Variants in TARBP1 observed in about 807,000 individuals in gnomAD.
TARBP1 encodes the protein tRNA guanosine 2 -O-methyltransferase TARBP1, also known as tRNA (guanosine(18)-2'-O)-methyltransferase TARBP1.
In TARBP1, 144 loss-of-function variants were observed where a neutral mutation model predicts 178.6. That is an observed-to-expected ratio of 0.81 (90% CI 0.70 to 0.93). TARBP1 has a LOEUF of 0.93. TARBP1 is among the 40% of genes least tolerant of loss of function. The pLI, the probability that TARBP1 is intolerant of heterozygous loss-of-function variation, is 0.00. For missense variants in TARBP1, 2,067 were observed against 2,011.7 expected, an observed-to-expected ratio of 1.03 and a Z score of -0.53; for synonymous variants, 787 against 781.0, an observed-to-expected ratio of 1.01 and a Z score of -0.13.
At chr1:234,431,584 T>TA (rs2103135131) in intron 14 of TARBP1, among the ~76,000 whole-genome samples, 1 of 152,376 alleles carries the variant, frequency 6.6e-6, no homozygotes, top group Non-Finnish European at 1.5e-5. Flanking sequence ...ATTAAACACT[T>TA]ACCACATGTT....
intron 26 of TARBP1, among the ~76,000 whole-genome samples, chr1:234,394,932 A>G (rs1206417839): frequency 2.0e-5 from 3 of 151,894 alleles, no homozygotes; most frequent in Non-Finnish European, 2.9e-5. Flanking sequence ...TCTACTAAAA[A>G]TAACACATTA....
chr1:234,400,054 A>AAATAAAAAC lies in TARBP1; in HGVS notation c.4071+1126_4071+1127insGTTTTTATT, dbSNP rs1238655040. Among the ~76,000 whole-genome samples the AAATAAAAAC allele has an allele frequency of 3.5e-3, 492 of 140,696 alleles. 5 individuals are homozygous for AAATAAAAAC. The highest frequency in any genetic ancestry group is 6.1e-3 in the African/African-American group (218 of 35,464). The allele number at this position is 140,696 out of a possible 152,430, so 92.3% of individuals were successfully genotyped here. On this transcript the variant is annotated intron_variant, in intron 25 of 29. Transcript: ENST00000040877. ...AGTATAATAATAATAAAATAAAAAC[A>AAATAAAAAC]AAAAAAAAACAAATACATGAAGAGA...
At chr1:234,418,873 AT>A (rs1263911208) in intron 21 of TARBP1, among the ~76,000 whole-genome samples, 1 of 152,224 alleles carries the variant, frequency 6.6e-6, no homozygotes, top group Admixed American at 6.5e-5. Context: ...ATATAAGCAT[AT>A]AAAAGTAATA....
At chr1:234,421,130 C>G (rs1371185767) in intron 20 of TARBP1, among the ~76,000 whole-genome samples, 3 of 152,018 alleles carry the variant, frequency 2.0e-5, no homozygotes, top group African/African-American at 7.3e-5. Flanking sequence ...ACTCTGTTGC[C>G]CAGGCTGGAG....
intron 2 of TARBP1, 42 bp from the exon 3 acceptor site, chr1:234,471,299 T>C (rs1439614123): frequency 7.6e-6 from 10 of 1,322,610 alleles, no homozygotes; most frequent in Non-Finnish European, 1.1e-5. Context: ...TGAAAATGCA[T>C]CTTGAAAAAT....
chr1:234,458,020 A>G (rs568788822), intron 8 of TARBP1, among the ~76,000 whole-genome samples: 1 of 150,508 alleles, frequency 6.6e-6, no homozygotes, highest in South Asian at 2.1e-4. Context: ...AAAAAAAAAA[A>G]CACCATTCTA....
At chr1:234,415,100 A>T (rs2103078541) in intron 22 of TARBP1, among the ~76,000 whole-genome samples, 1 of 152,328 alleles carries the variant, frequency 6.6e-6, no homozygotes, top group African/African-American at 2.4e-5. Flanking sequence ...TAGGAGAGGG[A>T]CGAGAAAACA....
chr1:234,472,665 G>T (rs375792816), intron 2 of TARBP1, 49 bp downstream of exon 2: 83 of 1,315,196 alleles, frequency 6.3e-5, no homozygotes, highest in Non-Finnish European at 8.3e-5. Context: ...TTTTAAAAAA[G>T]AAAAATTGTT....
At position 234,391,729 on chromosome 1, in the gene TARBP1, T is replaced by C. The variant is rs777904084; in HGVS notation, c.4714A>G (p.Ile1572Val). 12 of 1,612,922 alleles carry C rather than the reference T, an allele frequency of 7.4e-6. No individual in the cohort carries two copies. In the East Asian group the frequency reaches 8.9e-5, roughly 12 times the overall value. Reference protein sequence around the residue: ...LLLLGNEREGIPANLIQQLDV... With the variant: ...LLLLGNEREGVPANLIQQLDV... ...AACTGTTGGATCAGATTTGCTGGAA[T>C]TCCCTCACGTTCATTTCTGAGGAAG... Residue 1572 changes from isoleucine to valine, a missense_variant, in exon 30 of 30, where the codon ATT (isoleucine) becomes GTT (valine). Ile to Val is a conservative substitution (Grantham distance 29, BLOSUM62 3). Coordinates refer to ENST00000040877, the MANE Select transcript of TARBP1 (RefSeq NM_005646.4).
intron 23 of TARBP1, chr1:234,406,314 T>C (rs1661235986): frequency 3.6e-6 from 2 of 555,576 alleles, no homozygotes; most frequent in East Asian, 2.9e-5. Flanking sequence ...CTCCCAGCTC[T>C]AGTTTTCATT....
At chr1:234,406,136 C>T (rs1480541362) in intron 23 of TARBP1, 37 bp from the exon 24 acceptor site, 2 of 1,592,244 alleles carry the variant, frequency 1.3e-6, no homozygotes, top group Non-Finnish European at 1.7e-6. Context: ...AAAACACAGA[C>T]ATGGACCATT....
chr1:234,453,368 T>A (rs2103234148), intron 9 of TARBP1, among the ~76,000 whole-genome samples: 1 of 150,046 alleles, frequency 6.7e-6, no homozygotes, highest in South Asian at 2.1e-4. Flanking sequence ...ATTTTTAAAA[T>A]ATACTGAGAC....
chr1:234,459,336 A>C lies in TARBP1; in HGVS notation c.1536-10T>G. On this transcript the variant is annotated splice_polypyrimidine_tract_variant and intron_variant, in intron 7 of 29. Transcript: ENST00000040877. ...GCAATGAATAACATCCCTGACATCG[A>C]AACACAAAAAATGCAGTTCCGTATT... 6.3e-7 allele frequency: 1 copy of C among 1,591,104 alleles called. No homozygotes were observed. The highest frequency in any genetic ancestry group is 8.5e-7 in the Non-Finnish European group (1 of 1,170,460).
intron 5 of TARBP1, among the ~76,000 whole-genome samples, chr1:234,465,043 GTTC>G (rs1254905599): frequency 6.6e-6 from 1 of 151,444 alleles, no homozygotes. Context: ...TGAATTCACG[GTTC>G]TTAATATGGA....
At chr1:234,463,408 G>A (rs1378890950) in intron 6 of TARBP1, among the ~76,000 whole-genome samples, 4 of 152,204 alleles carry the variant, frequency 2.6e-5, no homozygotes, top group Non-Finnish European at 5.9e-5. Flanking sequence ...CCAGGCGGGA[G>A]CCATTGCACC....
intron 10 of TARBP1, among the ~76,000 whole-genome samples, chr1:234,449,099 A>G (rs1026020676): frequency 1.5e-4 from 23 of 152,258 alleles, no homozygotes; most frequent in African/African-American, 5.1e-4. Context: ...CTAGCAGAAG[A>G]AGGCATACCA....
chr1:234,401,785 C>T lies in TARBP1; in HGVS notation c.3990-523G>A, dbSNP rs117324846. On this transcript the variant is annotated intron_variant, in intron 24 of 29. Transcript: ENST00000040877. Reference sequence around the variant, plus strand: ...TTTCTGGCAAGATCACGCTCCTGCCCTGACCAGTGTGTCTTCTTCACTCCC... The same window carrying T: ...TTTCTGGCAAGATCACGCTCCTGCCTTGACCAGTGTGTCTTCTTCACTCCC... Among the ~76,000 whole-genome samples, 13 of 152,288 alleles carry T rather than the reference C, an allele frequency of 8.5e-5. No individual in the cohort carries two copies. The East Asian group carries it at 2.3e-3, about 27-fold the overall frequency.
chr1:234,478,546 G>A lies in TARBP1; in HGVS notation c.558C>T (p.Asp186=), dbSNP rs1326383447. The change falls in exon 1 of 30, where the codon GAC becomes GAT. Residue 186 remains aspartate, a synonymous_variant. Transcript: ENST00000040877. ...GDGDEAGPAE[D]AAALVAGRLL... ...GTCGCCCGGCCACCAGCGCCGCCGC[G>A]TCCTCGGCAGGCCCGGCCTCATCCC... The A allele has an allele frequency of 1.6e-5, 22 of 1,355,164 alleles. No homozygotes were observed. The highest frequency in any genetic ancestry group is 2.0e-5 in the Non-Finnish European group (21 of 1,051,692). 83.9% of individuals were successfully genotyped at this position (1,355,164 alleles called of 1,614,324 possible).
chr1:234,398,374 T>C lies in TARBP1; in HGVS notation c.4243+8A>G. 1.3e-6 allele frequency: 2 copies of C among 1,559,554 alleles called. No individual in the cohort carries two copies. Among genetic ancestry groups the C allele is most frequent in the Non-Finnish European group, 1.7e-6 (2 of 1,150,508 alleles). On this transcript the variant is annotated splice_region_variant and intron_variant, in intron 26 of 29. Coordinates refer to ENST00000040877, the MANE Select transcript of TARBP1 (RefSeq NM_005646.4). The stretch of plus-strand genomic sequence containing the variant: ...AGGGGAAAAAATAAAATGAAAATTA[T>C]TTTTTACCTATGTCTTGCTGAGACC...
Sources: gnomAD v4.1 joint callset for allele counts (sites outside exome capture counted in the v4.1 genomes callset) on GRCh38, gnomAD v4.1.1 for gene constraint, MANE v1.5 for transcripts, NCBI Gene and HGNC (gene_info 2026-07-23, HGNC 2026-07-21) for gene names.